PPP1R12B: variants seen among roughly 807,000 people sequenced by gnomAD.
The protein encoded by PPP1R12B is myosin phosphatase target subunit 2.
A neutral mutation model predicts 126.1 loss-of-function variants in PPP1R12B; 76 were observed. The ratio of observed to expected loss-of-function variants is 0.60; its 90% CI spans 0.50 to 0.73. The LOEUF is 0.73. Ranked by LOEUF, PPP1R12B falls within the 30% of genes least tolerant of loss-of-function variation. The pLI, the probability that PPP1R12B is intolerant of heterozygous loss-of-function variation, is 0.00. For missense variants in PPP1R12B, 1,052 were observed against 1,205.1 expected (o/e 0.87, Z 1.88); for synonymous variants, 356 against 434.7 (o/e 0.82, Z 2.25).
chr1:202,492,206 C>T (rs1247182348), intron 14 of PPP1R12B, among the ~76,000 whole-genome samples: 2 of 152,206 alleles, frequency 1.3e-5, no homozygotes, highest in African/African-American at 2.4e-5. Context: ...ACTCGTCTGT[C>T]TTCTTACATC....
At chr1:202,353,403 T>A (rs558563970) in intron 1 of PPP1R12B, among the ~76,000 whole-genome samples, 1 of 152,264 alleles carries the variant, frequency 6.6e-6, no homozygotes, top group East Asian at 1.9e-4. Context: ...AGAATAGTCA[T>A]CTATCCTGAG....
At position 202,539,815 on chromosome 1, in the gene PPP1R12B, C is replaced by T. The variant is rs1684921276; in HGVS notation, c.2491-19062C>T. Reference sequence around the variant, plus strand: ...GAGAGCAAGGCTCAATAAGAAGTGTCCTTTGAGGAGAATCAAGGACTCAAT... The same window carrying T: ...GAGAGCAAGGCTCAATAAGAAGTGTTCTTTGAGGAGAATCAAGGACTCAAT... On this transcript the variant is annotated intron_variant, in intron 18 of 23. Coordinates refer to ENST00000608999, the MANE Select transcript of PPP1R12B (RefSeq NM_002481.4). 4 of 177,956 alleles carry T rather than the reference C, an allele frequency of 2.2e-5. 1 individual carries two copies. In the South Asian group the frequency reaches 4.9e-4, roughly 22 times the overall value. 11.0% of individuals were successfully genotyped at this position (177,956 alleles called of 1,614,324 possible).
At chr1:202,575,187 G>A (rs756585083) in intron 23 of PPP1R12B, 1 of 1,573,550 alleles carries the variant, frequency 6.4e-7, no homozygotes, top group Non-Finnish European at 8.6e-7. Context: ...CTCCAGGCAG[G>A]TTCAGTCTTC....
Position 202,508,779 on chromosome 1 carries a change from T to C in PPP1R12B, c.2490+11957T>C, listed in dbSNP as rs1339395614. 6.6e-6 allele frequency among the ~76,000 whole-genome samples: 1 copy of C among 152,204 alleles called. No homozygotes were observed. Among genetic ancestry groups the C allele is most frequent in the African/African-American group, 2.4e-5 (1 of 41,462 alleles). On this transcript the variant is annotated intron_variant, in intron 18 of 23. Coordinates refer to ENST00000608999, the MANE Select transcript of PPP1R12B (RefSeq NM_002481.4). This position sits in a 1 kb window ranked among gnomAD's most constrained non-coding sequence, Gnocchi z 4.5. Reference sequence around the variant, plus strand: ...CAACACTCTGCCTTTCTGAGGCTGATAGGGAAAGCAGATGTTTATACCTAT... The same window carrying C: ...CAACACTCTGCCTTTCTGAGGCTGACAGGGAAAGCAGATGTTTATACCTAT...
chr1:202,506,876 A>G (rs1680865410), intron 18 of PPP1R12B, among the ~76,000 whole-genome samples: 1 of 152,238 alleles, frequency 6.6e-6, no homozygotes, highest in Non-Finnish European at 1.5e-5. Flanking sequence ...GTAAAAATTC[A>G]TAGGGCTACT....
At chr1:202,378,926 T>C (rs1321832085) in intron 1 of PPP1R12B, among the ~76,000 whole-genome samples, 1 of 152,172 alleles carries the variant, frequency 6.6e-6, no homozygotes, top group Non-Finnish European at 1.5e-5. Flanking sequence ...ACTCTTCTGC[T>C]CACGATTCCT....
At chr1:202,473,952 G>A in intron 13 of PPP1R12B, 3 of 532,756 alleles carry the variant, frequency 5.6e-6, no homozygotes, top group South Asian at 4.2e-5. Flanking sequence ...GCTCGAGGAG[G>A]TAACAGCCTG....
At chr1:202,545,550 A>T (rs1685564606) in intron 18 of PPP1R12B, among the ~76,000 whole-genome samples, 1 of 152,234 alleles carries the variant, frequency 6.6e-6, no homozygotes, top group South Asian at 2.1e-4. Context: ...ACAACATTTT[A>T]TGAGCATCTG....
intron 18 of PPP1R12B, among the ~76,000 whole-genome samples, chr1:202,558,236 A>G (rs76389375): frequency 1.3e-5 from 2 of 152,010 alleles, no homozygotes; most frequent in Admixed American, 6.5e-5. Flanking sequence ...TTTGTTTACA[A>G]TGACCAAGCT....
chr1:202,509,364 C>G (rs567878657), intron 18 of PPP1R12B, among the ~76,000 whole-genome samples: 1 of 152,250 alleles, frequency 6.6e-6, no homozygotes, highest in South Asian at 2.1e-4. Flanking sequence ...GGAGTTGCTT[C>G]CATGTCATTT....
At chr1:202,559,248 GAGAC>G (rs1325369093) in intron 19 of PPP1R12B, among the ~76,000 whole-genome samples, 2 of 152,146 alleles carry the variant, frequency 1.3e-5, no homozygotes, top group African/African-American at 2.4e-5. Flanking sequence ...AGCCAGTAGA[GAGAC>G]AGATCATTTC....
Position 202,582,633 on chromosome 1 carries a change from C to T in PPP1R12B, c.*2073C>T, listed in dbSNP as rs188955849. On this transcript the variant is annotated 3_prime_UTR_variant, in exon 24 of 24. Transcript: ENST00000608999. ...AGGTGCAGTGGCTCATGCCTGTAAT[C>T]CCAGCACTTCAGGAGGCCGAGGTGG... 228 of 152,772 alleles carry T rather than the reference C, an allele frequency of 1.5e-3. 4 individuals carry two copies. The highest frequency in any genetic ancestry group is 1.8e-4 in the Non-Finnish European group (12 of 68,066). The allele number at this position is 152,772 out of a possible 1,614,324, so 9.5% of individuals were successfully genotyped here.
chr1:202,527,997 G>T (rs1472948486), intron 18 of PPP1R12B, among the ~76,000 whole-genome samples: 2 of 152,190 alleles, frequency 1.3e-5, no homozygotes, highest in Non-Finnish European at 2.9e-5. Context: ...TTGACTTTGT[G>T]CTCATCCTTC....
At chr1:202,545,115 G>A (rs1230006916) in intron 18 of PPP1R12B, among the ~76,000 whole-genome samples, 4 of 152,202 alleles carry the variant, frequency 2.6e-5, no homozygotes, top group Non-Finnish European at 5.9e-5. Flanking sequence ...CCGTTGTCAT[G>A]GAATGAGAAA....
chr1:202,403,890 A>G (rs1666196460), intron 1 of PPP1R12B, among the ~76,000 whole-genome samples: 1 of 152,150 alleles, frequency 6.6e-6, no homozygotes, highest in African/African-American at 2.4e-5. Flanking sequence ...CTGACATTCT[A>G]ATAAGTGACC....
At chr1:202,405,605 C>A (rs1666496617) in intron 1 of PPP1R12B, among the ~76,000 whole-genome samples, 2 of 152,070 alleles carry the variant, frequency 1.3e-5, no homozygotes, top group Non-Finnish European at 2.9e-5. Context: ...AATTGTAACT[C>A]CATGAAGTAG....
chr1:202,472,177 A>G, intron 13 of PPP1R12B: 1 of 752,268 alleles, frequency 1.3e-6, no homozygotes, highest in Non-Finnish European at 2.1e-6. Flanking sequence ...TATTCCAGAT[A>G]TGAATATTTT....
chr1:202,438,914 T>C (rs1671218385), intron 10 of PPP1R12B: 4 of 1,513,768 alleles, frequency 2.6e-6, no homozygotes, highest in Non-Finnish European at 3.6e-6. Flanking sequence ...CGCGGCCCTG[T>C]GCCTGGAGGT....
chr1:202,581,042 TC>T lies in PPP1R12B; in HGVS notation c.*483del, dbSNP rs1689522197. 1.3e-5 allele frequency: 2 copies of T among 159,554 alleles called. No homozygotes were observed. Among genetic ancestry groups the T allele is most frequent in the African/African-American group, 2.4e-5 (1 of 41,590 alleles). 9.9% of individuals were successfully genotyped at this position (159,554 alleles called of 1,614,324 possible). ...GAGAAACAGCAGGATGTTGAATTGA[TC>T]ATCAGATGCCCTCTGGAATGGTTAG... On this transcript the variant is annotated 3_prime_UTR_variant, in exon 24 of 24. Transcript: ENST00000608999.
Sources: allele counts gnomAD v4.1 joint callset (sites outside exome capture counted in the v4.1 genomes callset), GRCh38; gene constraint gnomAD v4.1.1; non-coding constraint Gnocchi (gnomAD v3.1); transcripts MANE v1.5; gene names NCBI Gene and HGNC (gene_info 2026-07-23, HGNC 2026-07-21).